Variants in TAFA4 observed in about 807,000 individuals in gnomAD.
The protein encoded by TAFA4 is TAFA chemokine like family member 4, also known as chemokine-like protein TAFA-4.
A neutral mutation model predicts 21.1 loss-of-function variants in TAFA4; 20 were observed. The observed-to-expected ratio is 0.95, with a 90% CI of 0.67 to 1.38. The LOEUF is 1.38. TAFA4 is among the 40% of genes most tolerant of loss of function. TAFA4 has a pLI of 0.00. For synonymous variants in TAFA4, 71 were observed against 67.4 expected (o/e 1.05, Z -0.26); for missense variants, 211 against 180.9 (o/e 1.17, Z -0.95).
intron 3 of TAFA4, among the ~76,000 whole-genome samples, chr3:68,758,695 G>T (rs1400564088): frequency 1.3e-5 from 2 of 152,094 alleles, no homozygotes; most frequent in Admixed American, 6.6e-5. Context: ...TTATTTCTTT[G>T]TAATTTCCTG....
intron 3 of TAFA4, among the ~76,000 whole-genome samples, chr3:68,878,944 T>TG (rs1041889237): frequency 9.2e-5 from 14 of 152,200 alleles, no homozygotes; most frequent in Non-Finnish European, 1.3e-4. Flanking sequence ...CTGCCAAAAC[T>TG]GGGGGGGAGA....
At chr3:68,923,577 G>C (rs2090079719) in intron 1 of TAFA4, among the ~76,000 whole-genome samples, 1 of 152,084 alleles carries the variant, frequency 6.6e-6, no homozygotes, top group Non-Finnish European at 1.5e-5. Context: ...CAAAGGATTT[G>C]AGGCAGCACT....
intron 3 of TAFA4, among the ~76,000 whole-genome samples, chr3:68,819,262 C>T (rs981440583): frequency 1.5e-5 from 2 of 134,878 alleles, no homozygotes; most frequent in Admixed American, 7.7e-5. Flanking sequence ...AGAGTGAGAC[C>T]CTGTCTTTAA....
chr3:68,925,432 C>G (rs1472611371), intron 1 of TAFA4, among the ~76,000 whole-genome samples: 2 of 152,196 alleles, frequency 1.3e-5, no homozygotes, highest in East Asian at 3.8e-4. Context: ...ACGATACATA[C>G]AGAGAAGAAT....
intron 1 of TAFA4, among the ~76,000 whole-genome samples, chr3:68,906,493 A>G (rs1352991248): frequency 1.3e-5 from 2 of 152,236 alleles, no homozygotes; most frequent in Non-Finnish European, 2.9e-5. Context: ...CTTCTGAGAC[A>G]GGGACTCCCT....
At chr3:68,824,070 A>G (rs4855344) in intron 3 of TAFA4, among the ~76,000 whole-genome samples, 101,670 of 152,048 alleles carry the variant, frequency 0.67, 34,465 homozygotes, top group East Asian at 0.98. Flanking sequence ...CAGTGATCAT[A>G]CCCAAGTACC....
At chr3:68,811,456 A>C (rs1316338054) in intron 3 of TAFA4, among the ~76,000 whole-genome samples, 1 of 152,196 alleles carries the variant, frequency 6.6e-6, no homozygotes, top group Non-Finnish European at 1.5e-5. Flanking sequence ...TAACTAGAAT[A>C]ACCAATGCAG....
intron 1 of TAFA4, among the ~76,000 whole-genome samples, chr3:68,892,807 C>A (rs1002889799): frequency 6.6e-6 from 1 of 152,158 alleles, no homozygotes; most frequent in Non-Finnish European, 1.5e-5. Context: ...AAACTCTAGC[C>A]TTCAAGTGAC....
At chr3:68,877,649 C>T (rs2089565980) in intron 3 of TAFA4, among the ~76,000 whole-genome samples, 1 of 152,174 alleles carries the variant, frequency 6.6e-6, no homozygotes, top group Admixed American at 6.5e-5. Flanking sequence ...TAAGGTTGAG[C>T]TGAAACCTCA....
intron 2 of TAFA4, 48 bp from the exon 3 acceptor site, chr3:68,880,893 A>T (rs2089610658): frequency 5.4e-6 from 8 of 1,483,216 alleles, no homozygotes; most frequent in Non-Finnish European, 7.5e-6. Flanking sequence ...GGAAGGCCAG[A>T]CTCCCTGGCA....
intron 3 of TAFA4, among the ~76,000 whole-genome samples, chr3:68,835,570 A>T (rs924928281): frequency 2.6e-5 from 4 of 152,228 alleles, no homozygotes; most frequent in African/African-American, 9.6e-5. Context: ...TCTAAGGTAA[A>T]CTAGTCGGGT....
At chr3:68,927,127 T>C (rs1174529957) in intron 1 of TAFA4, among the ~76,000 whole-genome samples, 1 of 152,182 alleles carries the variant, frequency 6.6e-6, no homozygotes, top group Non-Finnish European at 1.5e-5. Flanking sequence ...CAATTTTAAG[T>C]TTCCCCTCCA....
chr3:68,905,172 T>C (rs13086190), intron 1 of TAFA4, among the ~76,000 whole-genome samples: 1 of 65,836 alleles, frequency 1.5e-5, no homozygotes, highest in Non-Finnish European at 3.3e-5. Context: ...TTTTTTTTTT[T>C]TGTGAGACAG....
intron 1 of TAFA4, among the ~76,000 whole-genome samples, chr3:68,906,316 CAGTT>C (rs1469197289): frequency 6.6e-6 from 1 of 152,202 alleles, no homozygotes; most frequent in Admixed American, 6.5e-5. Flanking sequence ...AAGACCTTGC[CAGTT>C]GACTGCTTTT....
chr3:68,845,336 C>CT (rs921680418), intron 3 of TAFA4, among the ~76,000 whole-genome samples: 64 of 151,114 alleles, frequency 4.2e-4, no homozygotes, highest in Non-Finnish European at 7.4e-4. Context: ...GCAACCCCTA[C>CT]TTTTTTTTTG....
At position 68,821,435 on chromosome 3, in the gene TAFA4, C is replaced by G. The variant is rs1205430220; in HGVS notation, c.130+59295G>C. ...AATCTCGGCTCACTGCAGGCTCCACCCCCTGGGGTTCACGCCATTCTCCTG... is the reference window on the plus strand; with the variant it reads ...AATCTCGGCTCACTGCAGGCTCCACGCCCTGGGGTTCACGCCATTCTCCTG... On this transcript the variant is annotated intron_variant, in intron 3 of 5. Coordinates refer to ENST00000295569, the MANE Select transcript of TAFA4 (RefSeq NM_182522.5). Among the ~76,000 whole-genome samples, 2 of 53,800 alleles carry G rather than the reference C, an allele frequency of 3.7e-5. 1 individual carries two copies. The highest frequency in any genetic ancestry group is 6.5e-5 in the Non-Finnish European group (2 of 30,964). 35.3% of individuals were successfully genotyped at this position (53,800 alleles called of 152,430 possible). A position where few individuals can be genotyped will look rare whatever the true frequency, so the allele number is the denominator to read the frequency against.
chr3:68,863,991 A>C (rs1160188515), intron 3 of TAFA4, among the ~76,000 whole-genome samples: 1 of 152,130 alleles, frequency 6.6e-6, no homozygotes, highest in Non-Finnish European at 1.5e-5. Flanking sequence ...AAAGCCAAAA[A>C]CTAAAAACTG....
intron 1 of TAFA4, among the ~76,000 whole-genome samples, chr3:68,920,775 C>A (rs2090053109): frequency 6.6e-6 from 1 of 151,804 alleles, no homozygotes; most frequent in Non-Finnish European, 1.5e-5. Context: ...TAACACTAAG[C>A]AGCCATTCCC....
chr3:68,885,325 CCA>C lies in TAFA4; in HGVS notation c.-122-17_-122-16del. On this transcript the variant is annotated splice_polypyrimidine_tract_variant and intron_variant, in intron 1 of 5. Coordinates refer to ENST00000295569, the MANE Select transcript of TAFA4 (RefSeq NM_182522.5). ...GCTCAGAAGACCTATGTTAAAAAGGCCAAAAAAAAAAAAGGAATCAATTAGCA... is the reference window on the plus strand; with the variant it reads ...GCTCAGAAGACCTATGTTAAAAAGGCAAAAAAAAAAAGGAATCAATTAGCA... 1.7e-6 allele frequency: 1 copy of C among 600,834 alleles called. No individual in the cohort carries two copies. The allele number at this position is 600,834 out of a possible 1,614,324, so 37.2% of individuals were successfully genotyped here. A position where few individuals can be genotyped will look rare whatever the true frequency, so the allele number is the denominator to read the frequency against.
Sources: allele counts gnomAD v4.1 joint callset (sites outside exome capture counted in the v4.1 genomes callset), GRCh38; gene constraint gnomAD v4.1.1; transcripts MANE v1.5; gene names NCBI Gene and HGNC (gene_info 2026-07-23, HGNC 2026-07-21).